Variants in ATE1 observed in about 807,000 individuals in gnomAD.
ATE1 encodes arginyltransferase 1.
ATE1 carries 36 observed loss-of-function variants against 70.5 expected under a neutral mutation model. That is an observed-to-expected ratio of 0.51 (90% confidence interval 0.39 to 0.67). The LOEUF (loss-of-function observed/expected upper bound fraction) is 0.67. ATE1 is among the 30% of genes least tolerant of loss of function. ATE1 has a pLI of 0.00. For synonymous variants in ATE1, 232 were observed against 219.3 expected (o/e 1.06, Z -0.51); for missense variants, 593 against 629.5 (o/e 0.94, Z 0.62).
At chr10:121,830,594 T>A (rs1948199750) in intron 10 of ATE1, among the ~76,000 whole-genome samples, 1 of 152,146 alleles carries the variant, frequency 6.6e-6, no homozygotes, top group African/African-American at 2.4e-5. Context: ...AAAGACAATA[T>A]CCTTAACTGA....
chr10:121,899,840 A>T (rs1229525363), intron 7 of ATE1, 26 bp downstream of exon 7: 3 of 1,603,436 alleles, frequency 1.9e-6, no homozygotes, highest in Admixed American at 1.7e-5. Context: ...CTGTTTGCAC[A>T]GGAAAATTAC....
At chr10:121,826,518 G>A (rs1948022183) in intron 10 of ATE1, among the ~76,000 whole-genome samples, 1 of 152,166 alleles carries the variant, frequency 6.6e-6, no homozygotes, top group Non-Finnish European at 1.5e-5. Flanking sequence ...ATGTTGGCCA[G>A]GATGGTCTCA....
At chr10:121,867,932 T>C (rs1949719008) in intron 8 of ATE1, among the ~76,000 whole-genome samples, 1 of 152,190 alleles carries the variant, frequency 6.6e-6, no homozygotes, top group Admixed American at 6.5e-5. Context: ...TTACCATTCA[T>C]TTTTATGTAA....
intron 8 of ATE1, among the ~76,000 whole-genome samples, chr10:121,853,327 G>A (rs1949125963): frequency 7.5e-6 from 1 of 133,134 alleles, no homozygotes; most frequent in Admixed American, 9.0e-5. Flanking sequence ...TCATGCCACT[G>A]ATCCAGCCTG....
At chr10:121,869,702 G>C (rs1053749363) in intron 8 of ATE1, among the ~76,000 whole-genome samples, 1 of 152,174 alleles carries the variant, frequency 6.6e-6, no homozygotes, top group Non-Finnish European at 1.5e-5. Context: ...AGTTACAGGA[G>C]TAATGAAGAT....
chr10:121,764,882 C>T (rs1458605955), intron 11 of ATE1, among the ~76,000 whole-genome samples: 1 of 152,160 alleles, frequency 6.6e-6, no homozygotes, highest in Non-Finnish European at 1.5e-5. Flanking sequence ...TCTAGTAAAA[C>T]TGTTGTCTAG....
At chr10:121,827,203 G>A (rs908248690) in intron 10 of ATE1, among the ~76,000 whole-genome samples, 1 of 151,832 alleles carries the variant, frequency 6.6e-6, no homozygotes, top group Non-Finnish European at 1.5e-5. Context: ...TAGTAGAGAC[G>A]GGGTTTCACC....
At chr10:121,757,008 C>A (rs1350880535) in intron 11 of ATE1, among the ~76,000 whole-genome samples, 1 of 152,208 alleles carries the variant, frequency 6.6e-6, no homozygotes, top group East Asian at 1.9e-4. Context: ...ATTTTCCAAA[C>A]TTTTATGCTC....
intron 11 of ATE1, among the ~76,000 whole-genome samples, chr10:121,754,468 AAAT>A (rs1251879598): frequency 6.6e-6 from 1 of 152,236 alleles, no homozygotes; most frequent in African/African-American, 2.4e-5. Flanking sequence ...CATTCAAAAT[AAAT>A]AATGAAAGTA....
intron 10 of ATE1, among the ~76,000 whole-genome samples, chr10:121,828,359 A>G (rs1430288265): frequency 1.3e-5 from 2 of 152,216 alleles, no homozygotes; most frequent in African/African-American, 4.8e-5. Context: ...ATAACTTATT[A>G]TTCCTCATGA....
intron 10 of ATE1, among the ~76,000 whole-genome samples, chr10:121,800,812 C>T (rs915382040): frequency 6.6e-6 from 1 of 152,088 alleles, no homozygotes; most frequent in Non-Finnish European, 1.5e-5. Flanking sequence ...AAAAGTAGTT[C>T]AAAATAATTC....
intron 11 of ATE1, among the ~76,000 whole-genome samples, chr10:121,763,417 C>A (rs1422316293): frequency 1.3e-5 from 2 of 151,998 alleles, no homozygotes; most frequent in African/African-American, 2.4e-5. Flanking sequence ...GAATATTACG[C>A]AGCAATAAAA....
At chr10:121,925,626 A>G (rs1312827649) in intron 1 of ATE1, among the ~76,000 whole-genome samples, 2 of 151,926 alleles carry the variant, frequency 1.3e-5, no homozygotes, top group African/African-American at 4.8e-5. Flanking sequence ...TATAATCCCA[A>G]CACTTTGGAA....
intron 10 of ATE1, among the ~76,000 whole-genome samples, chr10:121,832,101 G>GA (rs1948262058): frequency 2.0e-5 from 3 of 152,184 alleles, no homozygotes; most frequent in Admixed American, 6.5e-5. Context: ...AGCTCAGTTT[G>GA]TGGGATAAGT....
intron 11 of ATE1, chr10:121,782,352 T>C (rs1448737408): frequency 6.6e-6 from 1 of 152,246 alleles, no homozygotes; most frequent in Non-Finnish European, 1.5e-5. Flanking sequence ...ACGAAAATGT[T>C]CAATCAAATG....
rs915719482 is a variant in ATE1, at chr10:121,833,237, G to A, written c.1257+3481C>T. 2.6e-5 allele frequency among the ~76,000 whole-genome samples: 4 copies of A among 151,326 alleles called. 1 individual carries two copies. The South Asian group carries it at 8.4e-4, about 32-fold the overall frequency. On this transcript the variant is annotated intron_variant, in intron 10 of 11. Transcript: ENST00000224652. ...CACATTCTGTTAGAACTGCGTATCT[G>A]TTACTAAGTTATAACCTATTTGTAA...
intron 10 of ATE1, among the ~76,000 whole-genome samples, chr10:121,809,236 G>A (rs1947218830): frequency 6.6e-6 from 1 of 152,006 alleles, no homozygotes; most frequent in African/African-American, 2.4e-5. Flanking sequence ...TGACAAGTTT[G>A]CTACATTCGT....
chr10:121,770,233 A>AACACACACACACACACACACACACACAC (rs3036837), intron 11 of ATE1, among the ~76,000 whole-genome samples: 1 of 136,826 alleles, frequency 7.3e-6, no homozygotes, highest in Non-Finnish European at 1.6e-5. Flanking sequence ...ACAAGAGAGA[A>AACACACACACACACACACACACACACAC]ACACACACAC....
intron 1 of ATE1, chr10:121,927,305 C>A (rs1952133000): frequency 1.0e-6 from 1 of 985,132 alleles, no homozygotes; most frequent in Non-Finnish European, 1.2e-6. Context: ...CCGGTAGCGA[C>A]CGCGGTCACC....
Sources: gnomAD v4.1 joint callset for allele counts (sites outside exome capture counted in the v4.1 genomes callset) on GRCh38, gnomAD v4.1.1 for gene constraint, MANE v1.5 for transcripts, NCBI Gene and HGNC (gene_info 2026-07-23, HGNC 2026-07-21) for gene names.